Variants in TMEM145 observed in about 807,000 individuals in gnomAD.
TMEM145 encodes the protein transmembrane protein 145.
In TMEM145, 46 loss-of-function variants were observed where a neutral mutation model predicts 68.5. The observed-to-expected ratio is 0.67, with a 90% CI of 0.53 to 0.86. TMEM145 has a LOEUF of 0.86. Among genes scored for constraint, TMEM145 ranks in the 40% least tolerant of loss-of-function variants. The pLI is 0.00. For synonymous variants in TMEM145, 255 were observed against 280.2 expected (o/e 0.91, Z 0.90); for missense variants, 570 against 645.8 (o/e 0.88, Z 1.27).
At chr19:42,318,106 G>C (rs911859769) in intron 12 of TMEM145, among the ~76,000 whole-genome samples, 3 of 149,928 alleles carry the variant, frequency 2.0e-5, no homozygotes, top group African/African-American at 7.4e-5. Context: ...GGTGGCTCAC[G>C]CCTGTAATCC....
At chr19:42,318,445 G>T (rs944695200) in intron 12 of TMEM145, among the ~76,000 whole-genome samples, 1 of 151,740 alleles carries the variant, frequency 6.6e-6, no homozygotes, top group African/African-American at 2.4e-5. Flanking sequence ...CATCACTTTG[G>T]GAGGCCAAGG....
chr19:42,315,571 T>G, intron 8 of TMEM145, 131 bp downstream of exon 8: 1 of 904,712 alleles, frequency 1.1e-6, no homozygotes, highest in Non-Finnish European at 1.7e-6. Flanking sequence ...GGGCCTGGAC[T>G]CCTGGGTCCA....
At chr19:42,316,137 G>A (rs895416652) in intron 8 of TMEM145, among the ~76,000 whole-genome samples, 6 of 151,672 alleles carry the variant, frequency 4.0e-5, no homozygotes, top group African/African-American at 1.5e-4. Context: ...AGGAGCTGGG[G>A]GTCTGGACCC....
At position 42,315,243 on chromosome 19, in the gene TMEM145, C is replaced by T. The variant is rs746117547; in HGVS notation, c.561C>T (p.Leu187=). 6.2e-7 allele frequency: 1 copy of T among 1,608,406 alleles called. No individual in the cohort carries two copies. Among genetic ancestry groups the T allele is most frequent in the East Asian group, 2.2e-5 (1 of 44,774 alleles). ...FLLIFILIFF[L]SCYFGYLLKG... The stretch of plus-strand genomic sequence containing the variant: ...TCATCTTCATCCTCATCTTCTTCCT[C>T]TCTTGTTACTTTGGATGTGAGTCTG... The change falls in exon 7 of 15, where the codon CTC becomes CTT. Residue 187 remains leucine, a synonymous_variant. Transcript: ENST00000301204.
Position 42,313,506 on chromosome 19 carries a change from C to A in TMEM145, c.120+10C>A. On this transcript the variant is annotated intron_variant, in intron 1 of 14. Coordinates refer to ENST00000301204, the MANE Select transcript of TMEM145 (RefSeq NM_173633.3). This position sits in a 1 kb window ranked among gnomAD's most constrained non-coding sequence, Gnocchi z 5.1. ...CCTCAGTTCCAAGGAGGTGAGCATG[C>A]CGAGCCCTCCTCTGCGGCCCGCCGG... is the stretch of plus-strand genomic sequence containing the variant. 7.8e-7 allele frequency: 1 copy of A among 1,277,592 alleles called. No homozygotes were observed. The highest frequency in any genetic ancestry group is 9.9e-7 in the Non-Finnish European group (1 of 1,005,318). 79.1% of individuals were successfully genotyped at this position (1,277,592 alleles called of 1,614,324 possible).
At chr19:42,320,257 CTATAGGGTGGGGT>C in intron 12 of TMEM145, 47 bp from the exon 13 acceptor site, 2 of 1,604,116 alleles carry the variant, frequency 1.2e-6, no homozygotes, top group Non-Finnish European at 1.7e-6. Flanking sequence ...CGAGGTGGGG[CTATAGGGTGGGGT>C]GGAGGACAGG....
At position 42,320,311 on chromosome 19, in the gene TMEM145, C is replaced by T. The variant is rs1321130451; in HGVS notation, c.1074-6C>T. 2 of 1,613,830 alleles carry T rather than the reference C, an allele frequency of 1.2e-6. No individual in the cohort carries two copies. The highest frequency in any genetic ancestry group is 2.2e-5 in the South Asian group (2 of 91,076). ...TGTCTCTACTGACCCAATACTTCCCCTTCAGGTTCTTTGCGGTTCCTGTCA... is the reference window on the plus strand; with the variant it reads ...TGTCTCTACTGACCCAATACTTCCCTTTCAGGTTCTTTGCGGTTCCTGTCA... On this transcript the variant is annotated splice_polypyrimidine_tract_variant and splice_region_variant and intron_variant, in intron 12 of 14. Transcript: ENST00000301204.
chr19:42,313,381 A>C lies in TMEM145; in HGVS notation c.5A>C (p.Glu2Ala). MEPLRAPALRRL... is the reference protein window; with the variant it reads MAPLRAPALRRL... ...GCCGGGGCCGGAGCGGGCGGAATGG[A>C]GCCCCTGCGCGCGCCCGCGCTGCGC... is the stretch of plus-strand genomic sequence containing the variant. Residue 2 changes from glutamate (E) to alanine (A), a missense_variant, in exon 1 of 15, where the codon GAG becomes GCG. Transcript: ENST00000301204. The surrounding 1 kb of genome is among the most constrained non-coding windows in gnomAD (Gnocchi z 5.1). The C allele has an allele frequency of 8.2e-7, 1 of 1,226,008 alleles. No individual in the cohort carries two copies. Among genetic ancestry groups the C allele is most frequent in the Non-Finnish European group, 1.1e-6 (1 of 951,514 alleles). 75.9% of individuals were successfully genotyped at this position (1,226,008 alleles called of 1,614,324 possible).
chr19:42,321,341 G>T (rs143002007), intron 13 of TMEM145: 22,240 of 383,402 alleles, frequency 0.058, 798 homozygotes, highest in South Asian at 0.16. Context: ...TCAGCCTCCG[G>T]AGTAGCTGGG....
chr19:42,314,655 C>G lies in TMEM145; in HGVS notation c.316C>G (p.Gln106Glu). The change falls in exon 4 of 15, where the codon CAG becomes GAG. Residue 106 changes from glutamine to glutamate, a missense_variant. By Grantham distance (29) the Gln-to-Glu change is conservative. Coordinates refer to ENST00000301204, the MANE Select transcript of TMEM145 (RefSeq NM_173633.3). ...KESVIRPENNQVINLTTQYAW... is the reference protein window; with the variant it reads ...KESVIRPENNEVINLTTQYAW... ...GTCAGTGATCCGGCCGGAGAACAAC[C>G]AGGTCATCAACCTCACCACCCAGTA... The G allele has an allele frequency of 6.2e-7, 1 of 1,614,188 alleles. No individual in the cohort carries two copies. Among genetic ancestry groups the G allele is most frequent in the Non-Finnish European group, 8.5e-7 (1 of 1,180,028 alleles).
In TMEM145 at chr19:42,314,477, C is replaced by G. The variant is rs1236950943; in HGVS notation, c.222C>G (p.Leu74=). The G allele has an allele frequency of 6.2e-7, 1 of 1,614,180 alleles. No homozygotes were observed. The change falls in exon 3 of 15, where the codon CTC becomes CTG. Residue 74 remains leucine (L), a synonymous_variant. Transcript: ENST00000301204. ...PEAKCCQNIL[L]YFDDPSQWPA... ...CCAAGTGCTGTCAGAACATCCTCCT[C>G]TATTTTGATGACCCATCCCAGTGGC...
Position 42,320,416 on chromosome 19 carries a change from G to A in TMEM145, c.1173G>A (p.Leu391=). ...ATGGCATCCAGCTGGGGATCCACTTGTACGCCCATGGCGTGTTTCTGGTGA... is the reference window on the plus strand; with the variant it reads ...ATGGCATCCAGCTGGGGATCCACTTATACGCCCATGGCGTGTTTCTGGTGA... ...IVNGIQLGIH[L]YAHGVFLIMT... The change falls in exon 13 of 15, where the codon TTG becomes TTA. Residue 391 remains leucine (L), a synonymous_variant. Transcript: ENST00000301204. 2.5e-6 allele frequency: 4 copies of A among 1,614,114 alleles called. No homozygotes were observed. Among genetic ancestry groups the A allele is most frequent in the Non-Finnish European group, 3.4e-6 (4 of 1,180,038 alleles).
intron 5 of TMEM145, 67 bp from the exon 6 acceptor site, chr19:42,314,926 T>C: frequency 6.2e-7 from 1 of 1,613,696 alleles, no homozygotes; most frequent in Admixed American, 1.7e-5. Context: ...TGGACCACCT[T>C]CTCTTTGCCT....
chr19:42,324,062 C>T (rs968587224), intron 14 of TMEM145, among the ~76,000 whole-genome samples: 7 of 152,034 alleles, frequency 4.6e-5, no homozygotes, highest in African/African-American at 1.4e-4. Flanking sequence ...CCCCAGCTCC[C>T]CGGCCGCCGC....
chr19:42,324,680 C>T, intron 14 of TMEM145, 57 bp from the exon 15 acceptor site: 2 of 811,742 alleles, frequency 2.5e-6, no homozygotes, highest in Non-Finnish European at 3.2e-6. Flanking sequence ...GTCCCGCCCC[C>T]CTCCCCTCTG....
At chr19:42,320,047 C>G (rs908820577) in intron 12 of TMEM145, among the ~76,000 whole-genome samples, 3 of 152,182 alleles carry the variant, frequency 2.0e-5, no homozygotes, top group African/African-American at 7.2e-5. Context: ...GCGTGAGCCA[C>G]CGTGCCCGGG....
intron 13 of TMEM145, chr19:42,321,183 C>A (rs377543021): frequency 2.5e-6 from 1 of 398,496 alleles, no homozygotes; most frequent in Non-Finnish European, 4.4e-6. Flanking sequence ...CAGGGTGAAG[C>A]TTTTGGGCTC....
intron 5 of TMEM145, 69 bp from the exon 6 acceptor site, chr19:42,314,924 C>T: frequency 6.2e-7 from 1 of 1,613,824 alleles, no homozygotes; most frequent in Non-Finnish European, 8.5e-7. Flanking sequence ...CCTGGACCAC[C>T]TTCTCTTTGC....
intron 14 of TMEM145, chr19:42,324,421 G>A (rs2038948661): frequency 2.0e-6 from 2 of 985,376 alleles, no homozygotes; most frequent in Non-Finnish European, 2.4e-6. Flanking sequence ...GGGACGGCCC[G>A]ACGCCGCCCT....
Sources: allele counts gnomAD v4.1 joint callset (sites outside exome capture counted in the v4.1 genomes callset), GRCh38; gene constraint gnomAD v4.1.1; non-coding constraint Gnocchi (gnomAD v3.1); transcripts MANE v1.5; gene names NCBI Gene and HGNC (gene_info 2026-07-23, HGNC 2026-07-21).